Variants in EXOC2 observed in about 807,000 individuals in gnomAD.
EXOC2 encodes the protein exocyst complex component 2.
Under a neutral mutation model 131.8 loss-of-function variants are expected in EXOC2, and 70 were observed. The ratio of observed to expected loss-of-function variants is 0.53; its 90% CI spans 0.44 to 0.65. The LOEUF (loss-of-function observed/expected upper bound fraction) is 0.65, where lower values mean the gene tolerates loss of function less well. Ranked by LOEUF, EXOC2 falls within the 30% of genes least tolerant of loss-of-function variation. The pLI, the probability that EXOC2 is intolerant of heterozygous loss-of-function variation, is 0.00. For missense variants in EXOC2, 923 were observed against 1,108.6 expected (o/e 0.83, Z 2.38); for synonymous variants, 411 against 398.4 (o/e 1.03, Z -0.38).
chr6:603,927 C>A (rs1760252713), intron 7 of EXOC2, among the ~76,000 whole-genome samples: 1 of 152,172 alleles, frequency 6.6e-6, no homozygotes, highest in East Asian at 1.9e-4. Flanking sequence ...ACTGGACATA[C>A]AATAATGACA....
At chr6:585,634 TACATACAATTAAC>T (rs1259056793) in intron 11 of EXOC2, among the ~76,000 whole-genome samples, 1 of 152,248 alleles carries the variant, frequency 6.6e-6, no homozygotes. Context: ...ACCACAGGGC[TACATACAATTAAC>T]ATTTTTTTCC....
rs773551736 is a variant in EXOC2 at position 556,435 on chromosome 6, C to A, written c.1932+49G>T. On this transcript the variant is annotated intron_variant, in intron 18 of 27. Transcript: ENST00000230449. ...GAGTCAAAAATTTACAACTATGATT[C>A]CCAAGGCTCCCTGGGAAACTGGAGT... 4.4e-6 allele frequency: 7 copies of A among 1,588,830 alleles called. No homozygotes were observed. The South Asian group carries it at 7.9e-5, about 18-fold the overall frequency.
At chr6:659,003 A>C (rs1025634715) in intron 1 of EXOC2, among the ~76,000 whole-genome samples, 2 of 152,118 alleles carry the variant, frequency 1.3e-5, no homozygotes, top group Non-Finnish European at 2.9e-5. Context: ...CCACTTATTC[A>C]AACCATTTTT....
At position 689,268 on chromosome 6, in the gene EXOC2, A is replaced by G. The variant is rs183648798; in HGVS notation, c.-44+3751T>C. ...AAACCCAAAAACAAAAATAAAGCAA[A>G]CTGGATGATGTATTTTTAATCTGAA... On this transcript the variant is annotated intron_variant, in intron 1 of 27. Coordinates refer to ENST00000230449, the MANE Select transcript of EXOC2 (RefSeq NM_018303.6). 18 of 151,178 alleles carry G rather than the reference A, an allele frequency of 1.2e-4. 1 individual carries two copies. In the East Asian group the frequency reaches 3.5e-3, roughly 29 times the overall value. 9.4% of individuals were successfully genotyped at this position (151,178 alleles called of 1,614,324 possible).
At chr6:584,087 G>T (rs1261995975) in intron 11 of EXOC2, among the ~76,000 whole-genome samples, 1 of 152,128 alleles carries the variant, frequency 6.6e-6, no homozygotes, top group Non-Finnish European at 1.5e-5. Flanking sequence ...AAATTAAAAT[G>T]ATAATTTTAT....
intron 21 of EXOC2, among the ~76,000 whole-genome samples, chr6:552,176 C>T (rs1287131245): frequency 1.3e-5 from 2 of 152,250 alleles, no homozygotes; most frequent in Non-Finnish European, 2.9e-5. Context: ...ATCAGCCCCG[C>T]CCTGAGGCAA....
At chr6:522,527 G>A (rs1275184877) in intron 23 of EXOC2, among the ~76,000 whole-genome samples, 3 of 151,646 alleles carry the variant, frequency 2.0e-5, no homozygotes, top group Non-Finnish European at 4.4e-5. Flanking sequence ...TGAACTGATG[G>A]GGACAGCAAA....
chr6:625,591 T>C (rs944992873), intron 4 of EXOC2, among the ~76,000 whole-genome samples: 2 of 151,570 alleles, frequency 1.3e-5, no homozygotes, highest in Non-Finnish European at 2.9e-5. Flanking sequence ...CATCTATTTT[T>C]ACACAAGTTC....
intron 1 of EXOC2, among the ~76,000 whole-genome samples, chr6:647,827 T>C (rs1248687365): frequency 6.6e-6 from 1 of 151,734 alleles, no homozygotes; most frequent in African/African-American, 2.4e-5. Flanking sequence ...CCTCAAAATC[T>C]GTCCAACTAA....
chr6:617,966 G>A (rs1761098054), intron 5 of EXOC2, 131 bp from the exon 6 acceptor site: 1 of 1,064,254 alleles, frequency 9.4e-7, no homozygotes, highest in Non-Finnish European at 1.3e-6. Context: ...ATCATACGAA[G>A]CCAGATGAAA....
chr6:558,485 A>C (rs1358705773), intron 17 of EXOC2, among the ~76,000 whole-genome samples: 1 of 152,218 alleles, frequency 6.6e-6, no homozygotes, highest in Non-Finnish European at 1.5e-5. Flanking sequence ...TAATATTGAC[A>C]ATCGAATCTG....
chr6:508,352 G>A (rs545263947), intron 23 of EXOC2, among the ~76,000 whole-genome samples: 10 of 152,246 alleles, frequency 6.6e-5, no homozygotes, highest in Admixed American at 2.6e-4. Context: ...TTTTGGTGGT[G>A]TACATGTTAC....
intron 1 of EXOC2, among the ~76,000 whole-genome samples, chr6:685,848 G>A (rs1266193299): frequency 7.3e-5 from 10 of 137,498 alleles, no homozygotes. Flanking sequence ...AAGAAGTAAT[G>A]TATCCTGCTT....
chr6:683,151 G>A (rs969000372), intron 1 of EXOC2, among the ~76,000 whole-genome samples: 15 of 152,150 alleles, frequency 9.9e-5, no homozygotes, highest in East Asian at 3.8e-4. Flanking sequence ...CTGACCTTGC[G>A]GGAAGATGTG....
At chr6:621,126 G>A in intron 4 of EXOC2, among the ~76,000 whole-genome samples, 1 of 152,286 alleles carries the variant, frequency 6.6e-6, no homozygotes, top group South Asian at 2.1e-4. Flanking sequence ...CAATGGCCTG[G>A]AGCCCACTCT....
chr6:521,129 C>T (rs2493024), intron 23 of EXOC2, among the ~76,000 whole-genome samples: 3,477 of 81,818 alleles, frequency 0.042, 1 homozygote, highest in African/African-American at 0.11. Flanking sequence ...CAACCACCCA[C>T]CGAGTGCCTA....
intron 7 of EXOC2, among the ~76,000 whole-genome samples, chr6:602,955 CCA>C (rs1561912523): frequency 6.6e-6 from 1 of 152,186 alleles, no homozygotes. Flanking sequence ...GCCAGGAACT[CCA>C]GTCATCTAGA....
chr6:521,134 T>C (rs111445127), intron 23 of EXOC2, among the ~76,000 whole-genome samples: 3,178 of 34,642 alleles, frequency 0.092, 2 homozygotes, highest in African/African-American at 0.22. Context: ...ACCCACCGAG[T>C]GCCTACACTC....
chr6:634,429 A>G (rs561283674), intron 2 of EXOC2, among the ~76,000 whole-genome samples: 3 of 152,294 alleles, frequency 2.0e-5, no homozygotes, highest in Admixed American at 6.5e-5. Context: ...TATAATGTTC[A>G]GCACTAAGGT....
Sources: gnomAD v4.1 joint callset for allele counts (sites outside exome capture counted in the v4.1 genomes callset) on GRCh38, gnomAD v4.1.1 for gene constraint, MANE v1.5 for transcripts, NCBI Gene and HGNC (gene_info 2026-07-23, HGNC 2026-07-21) for gene names.